Variants in SLC12A7 observed in about 807,000 individuals in gnomAD.
SLC12A7 encodes solute carrier family 12 member 7, also known as K-Cl cotransporter 4.
SLC12A7 carries 100 observed loss-of-function variants against 120.6 expected under a neutral mutation model. The ratio of observed to expected loss-of-function variants is 0.83; its 90% CI spans 0.71 to 0.98. The LOEUF (loss-of-function observed/expected upper bound fraction) is 0.98. Among genes scored for constraint, SLC12A7 ranks in the 50% least tolerant of loss-of-function variants. The probability of loss-of-function intolerance (pLI) is 0.00; values close to 1 mark genes in which losing one functional copy is unlikely to be tolerated. For missense variants in SLC12A7, 1,373 were observed against 1,548.1 expected (o/e 0.89, Z 1.90); for synonymous variants, 760 against 678.0 (o/e 1.12, Z -1.88).
At chr5:1,109,987 AC>A (rs1331384069) in intron 1 of SLC12A7, among the ~76,000 whole-genome samples, 3 of 151,420 alleles carry the variant, frequency 2.0e-5, no homozygotes, top group African/African-American at 7.3e-5. Flanking sequence ...CTTCTGCAGG[AC>A]CCCCGCCCCC....
chr5:1,092,305 C>T (rs145689008), intron 3 of SLC12A7, among the ~76,000 whole-genome samples: 2 of 152,322 alleles, frequency 1.3e-5, no homozygotes, highest in East Asian at 3.9e-4. Flanking sequence ...GGGGTGGCGT[C>T]GACGCAAAGC....
At chr5:1,143,095 A>G in the SLC12A7 span, among the ~76,000 whole-genome samples, 1 of 152,154 alleles carries the variant, frequency 6.6e-6, no homozygotes, top group Non-Finnish European at 1.5e-5. Flanking sequence ...GGGCCCCAAC[A>G]CAGCCTCCTG....
intron 3 of SLC12A7, among the ~76,000 whole-genome samples, chr5:1,092,340 A>G (rs1292517809): frequency 6.6e-6 from 1 of 152,166 alleles, no homozygotes; most frequent in Non-Finnish European, 1.5e-5. Context: ...GGGAGGATGC[A>G]GGGGAGGGCA....
At chr5:1,073,559 G>A (rs1381612129) in intron 17 of SLC12A7, 74 bp downstream of exon 17, 6 of 1,466,252 alleles carry the variant, frequency 4.1e-6, no homozygotes, top group Non-Finnish European at 5.6e-6. Context: ...GCTGCGATGA[G>A]GACATGCCAG....
chr5:1,077,860 G>A lies in SLC12A7; in HGVS notation c.1602C>T (p.Ala534=), dbSNP rs142815286. The A allele has an allele frequency of 3.0e-4, 485 of 1,594,440 alleles. 1 individual carries two copies. The highest frequency in any genetic ancestry group is 4.3e-4 in the Admixed American group (25 of 57,618). The change falls in exon 12 of 24, where the codon GCC becomes GCT. Residue 534 remains alanine, a synonymous_variant. Transcript: ENST00000264930. ...TGAPRLLQAI[A]RDGIVPFLQV... is the part of the protein sequence containing the mutation. ...GCAGGAAGGGGACGATGCCGTCACG[G>A]GCAATGGCCTGCAGTAGGCGCGGTG...
At chr5:1,064,333 A>AG (rs1736685381) in intron 18 of SLC12A7, 81 bp from the exon 19 acceptor site, 1 of 1,493,244 alleles carries the variant, frequency 6.7e-7, no homozygotes, top group Non-Finnish European at 8.9e-7. Context: ...CAGCCAGTGC[A>AG]GGGGCGGGCA....
At chr5:1,089,638 C>A (rs941866118) in intron 3 of SLC12A7, among the ~76,000 whole-genome samples, 2 of 152,088 alleles carry the variant, frequency 1.3e-5, no homozygotes, top group African/African-American at 4.8e-5. Flanking sequence ...ACATCTTAAC[C>A]GGGCACGGAG....
intron 1 of SLC12A7, among the ~76,000 whole-genome samples, chr5:1,111,031 A>T (rs1742959603): frequency 6.6e-6 from 1 of 152,112 alleles, no homozygotes; most frequent in South Asian, 2.1e-4. Flanking sequence ...GGAGGCTGCC[A>T]CCCACTGCAT....
intron 22 of SLC12A7, chr5:1,056,730 T>C (rs928210024): frequency 1.7e-5 from 4 of 238,588 alleles, no homozygotes; most frequent in Non-Finnish European, 2.7e-5. Context: ...CAGCCCTTCC[T>C]GAGAACCTGG....
At chr5:1,080,056 C>T (rs142882514) in intron 9 of SLC12A7, among the ~76,000 whole-genome samples, 59 of 152,322 alleles carry the variant, frequency 3.9e-4, no homozygotes, top group African/African-American at 1.3e-3. Context: ...CCATCCAAGG[C>T]GCAGCCTGAA....
rs371586907 is a variant in SLC12A7 at position 1,053,508 on chromosome 5, C to T, written c.3027-26G>A. ...CTGCAGGGGAGGTGGGCACGGTCAG[C>T]GGGCGGCGGGTGCACCCCACGCTCC... On this transcript the variant is annotated intron_variant, in intron 22 of 23. Coordinates refer to ENST00000264930, the MANE Select transcript of SLC12A7 (RefSeq NM_006598.3). The T allele has an allele frequency of 8.2e-5, 132 of 1,608,122 alleles. 1 individual carries two copies. The Middle Eastern group carries it at 1.8e-3, about 22-fold the overall frequency.
chr5:1,100,227 C>T (rs553772296), intron 1 of SLC12A7, among the ~76,000 whole-genome samples: 1 of 152,360 alleles, frequency 6.6e-6, no homozygotes, highest in South Asian at 2.1e-4. Context: ...GGCACCGGGA[C>T]GGCAGGGGCT....
At chr5:1,139,976 C>G in the SLC12A7 span, among the ~76,000 whole-genome samples, 20 of 152,236 alleles carry the variant, frequency 1.3e-4, no homozygotes, top group Non-Finnish European at 2.8e-4. Context: ...AGATGCGGAC[C>G]AGGCCGGGAC....
the SLC12A7 span, among the ~76,000 whole-genome samples, chr5:1,117,930 G>A: frequency 6.6e-6 from 1 of 152,172 alleles, no homozygotes; most frequent in Non-Finnish European, 1.5e-5. This position sits in a 1 kb window ranked among gnomAD's most constrained non-coding sequence, Gnocchi z 4.5. Context: ...AAAAACATTA[G>A]CCGGTCATGG....
chr5:1,101,857 G>A (rs896323738), intron 1 of SLC12A7, among the ~76,000 whole-genome samples: 40 of 144,916 alleles, frequency 2.8e-4, no homozygotes, highest in African/African-American at 7.4e-4. Context: ...GGCTGCAGCC[G>A]CCTGGGCAAG....
chr5:1,099,272 A>G (rs1029255116), intron 1 of SLC12A7, among the ~76,000 whole-genome samples: 1 of 152,034 alleles, frequency 6.6e-6, no homozygotes, highest in Non-Finnish European at 1.5e-5. Context: ...ACAGACATCA[A>G]CCTAACCCGG....
At chr5:1,059,237 G>T (rs1227786933) in intron 21 of SLC12A7, among the ~76,000 whole-genome samples, 4 of 152,216 alleles carry the variant, frequency 2.6e-5, no homozygotes, top group Non-Finnish European at 5.9e-5. Context: ...TGCCCACCCT[G>T]ACCTGCCCGG....
chr5:1,113,718 C>T (rs918567615), upstream of SLC12A7, among the ~76,000 whole-genome samples: 6 of 152,286 alleles, frequency 3.9e-5, no homozygotes, highest in African/African-American at 1.4e-4. Context: ...CCCAGGCATC[C>T]TTATGAGGAG....
chr5:1,102,062 A>G (rs1047151221), intron 1 of SLC12A7, among the ~76,000 whole-genome samples: 5 of 152,222 alleles, frequency 3.3e-5, no homozygotes, highest in African/African-American at 7.2e-5. Flanking sequence ...GTGGTCAGTA[A>G]GCAGATCCTG....
Sources: gnomAD v4.1 joint callset for allele counts (sites outside exome capture counted in the v4.1 genomes callset) on GRCh38, gnomAD v4.1.1 for gene constraint, Gnocchi (gnomAD v3.1) non-coding constraint, MANE v1.5 for transcripts, NCBI Gene and HGNC (gene_info 2026-07-23, HGNC 2026-07-21) for gene names.